Variants in BTBD7 observed in about 807,000 individuals in gnomAD.
BTBD7 encodes BTB domain containing 7, also known as BTB/POZ domain-containing protein 7.
In BTBD7, 38 loss-of-function variants were observed where a neutral mutation model predicts 99.9. The ratio of observed to expected loss-of-function variants is 0.38; its 90% confidence interval spans 0.29 to 0.50. The LOEUF (loss-of-function observed/expected upper bound fraction) is 0.50. BTBD7 is among the 20% of genes least tolerant of loss of function. BTBD7 has a pLI of 0.93. For missense variants in BTBD7, 1,170 were observed against 1,394.6 expected, an observed-to-expected ratio of 0.84 and a Z score of 2.57; for synonymous variants, 520 against 511.4, an observed-to-expected ratio of 1.02 and a Z score of -0.23.
At chr14:93,297,544 A>T (rs2052944321) in intron 1 of BTBD7, among the ~76,000 whole-genome samples, 1 of 152,186 alleles carries the variant, frequency 6.6e-6, no homozygotes, top group Non-Finnish European at 1.5e-5. Context: ...GCTGGTCTTG[A>T]ACTCCTGGCC....
intron 2 of BTBD7, among the ~76,000 whole-genome samples, chr14:93,295,710 C>CA (rs1364179912): frequency 3.9e-5 from 6 of 152,074 alleles, no homozygotes; most frequent in African/African-American, 1.4e-4. Context: ...GTTTTAACAC[C>CA]AATGGAGACT....
chr14:93,244,844 A>G (rs1168932423), intron 10 of BTBD7, among the ~76,000 whole-genome samples: 1 of 148,340 alleles, frequency 6.7e-6, no homozygotes, highest in Non-Finnish European at 1.5e-5. Context: ...AGACTTACAA[A>G]TCTTACAAAT....
In BTBD7 at chr14:93,242,576, T is replaced by C. The variant is rs1299756766; in HGVS notation, c.3096A>G (p.Gln1032=). 1.1e-5 allele frequency: 18 copies of C among 1,614,054 alleles called. No homozygotes were observed. In the South Asian group the frequency reaches 1.5e-4, roughly 14 times the overall value. ...AAGGAAAGTCTGACCGCTGGGGAGG[T>C]TGCTCAACGACATCCAGGTGTATCG... ...NEPIHLDVVE[Q]PPQRSDFPLA... The change falls in exon 11 of 11, where the codon CAA becomes CAG. Residue 1032 remains glutamine, a synonymous_variant. Transcript: ENST00000334746.
At chr14:93,273,299 G>C (rs1359562989) in intron 3 of BTBD7, among the ~76,000 whole-genome samples, 2 of 152,168 alleles carry the variant, frequency 1.3e-5, no homozygotes, top group African/African-American at 2.4e-5. Flanking sequence ...ATACTGGCTG[G>C]ATTAACAACT....
At chr14:93,318,144 A>G (rs1366164826) in intron 1 of BTBD7, among the ~76,000 whole-genome samples, 1 of 152,238 alleles carries the variant, frequency 6.6e-6, no homozygotes, top group African/African-American at 2.4e-5. Context: ...GATTCAAAAT[A>G]CAGGCACAAA....
intron 1 of BTBD7, among the ~76,000 whole-genome samples, chr14:93,331,304 AGG>A (rs931983885): frequency 9.2e-5 from 14 of 152,274 alleles, no homozygotes; most frequent in Admixed American, 7.8e-4. Context: ...TGGGGTGTAG[AGG>A]CCTACATCTT....
chr14:93,332,880 C>T lies in BTBD7; in HGVS notation c.-167G>A. On this transcript the variant is annotated 5_prime_UTR_variant, in exon 1 of 11. Transcript: ENST00000334746. ...GGACCGCTGCCGTCGCCTCCGCCGC[C>T]GCCGCCACCAGCACCGCCGTCCGCA... The T allele has an allele frequency of 6.8e-7, 1 of 1,460,060 alleles. No individual in the cohort carries two copies. The highest frequency in any genetic ancestry group is 9.0e-7 in the Non-Finnish European group (1 of 1,106,416). The allele number at this position is 1,460,060 out of a possible 1,614,324, so 90.4% of individuals were successfully genotyped here.
At chr14:93,305,352 C>T (rs964987178) in intron 1 of BTBD7, among the ~76,000 whole-genome samples, 2 of 152,084 alleles carry the variant, frequency 1.3e-5, no homozygotes, top group Non-Finnish European at 2.9e-5. Flanking sequence ...GAAGTCTACA[C>T]TTAGAGTCTT....
intron 3 of BTBD7, among the ~76,000 whole-genome samples, chr14:93,279,976 T>A (rs993501056): frequency 1.3e-5 from 2 of 152,240 alleles, no homozygotes; most frequent in African/African-American, 2.4e-5. Context: ...CTCAGGTTTA[T>A]AGACCTAATG....
intron 1 of BTBD7, among the ~76,000 whole-genome samples, chr14:93,316,472 C>G: frequency 6.6e-6 from 1 of 152,096 alleles, no homozygotes; most frequent in Non-Finnish European, 1.5e-5. Context: ...TGGTCTTGAA[C>G]TCTTGGCCTC....
chr14:93,275,954 C>T (rs1395276854), intron 3 of BTBD7, among the ~76,000 whole-genome samples: 2 of 152,216 alleles, frequency 1.3e-5, no homozygotes, highest in African/African-American at 2.4e-5. Context: ...TGGCTCACGC[C>T]TGTAGTCCCA....
At chr14:93,300,540 G>C (rs912668479) in intron 1 of BTBD7, among the ~76,000 whole-genome samples, 1 of 150,726 alleles carries the variant, frequency 6.6e-6, no homozygotes, top group African/African-American at 2.4e-5. Flanking sequence ...ACAGGCATGA[G>C]CCACTGGGTG....
chr14:93,270,216 C>G (rs903942984), intron 3 of BTBD7, among the ~76,000 whole-genome samples: 1 of 152,136 alleles, frequency 6.6e-6, no homozygotes, highest in Non-Finnish European at 1.5e-5. Flanking sequence ...CTGCCTCAGC[C>G]TCCTGAGTAG....
chr14:93,304,374 C>T (rs545485212), intron 1 of BTBD7, among the ~76,000 whole-genome samples: 8 of 152,288 alleles, frequency 5.3e-5, no homozygotes, highest in African/African-American at 9.6e-5. Context: ...ATTTTTGAGA[C>T]GGAGTCTCGT....
chr14:93,250,170 C>G lies in BTBD7; in HGVS notation c.1942+1293G>C, dbSNP rs556667301. ...TCCATCCTTTCATGAATGTGGTGTG[C>G]AAGGAAGTGAGAAGAACCCAGGATG... is the stretch of plus-strand genomic sequence containing the variant. On this transcript the variant is annotated intron_variant, in intron 8 of 10. Transcript: ENST00000334746. 2.0e-5 allele frequency among the ~76,000 whole-genome samples: 3 copies of G among 152,228 alleles called. No homozygotes were observed. In the East Asian group the frequency reaches 5.8e-4, roughly 29 times the overall value.
At chr14:93,314,309 A>G (rs2053174506) in intron 1 of BTBD7, among the ~76,000 whole-genome samples, 1 of 152,188 alleles carries the variant, frequency 6.6e-6, no homozygotes, top group Non-Finnish European at 1.5e-5. Flanking sequence ...TATTAGAAAA[A>G]AATATTAAAT....
chr14:93,252,917 A>C (rs2052385211), intron 7 of BTBD7, among the ~76,000 whole-genome samples: 1 of 151,862 alleles, frequency 6.6e-6, no homozygotes, highest in Non-Finnish European at 1.5e-5. Flanking sequence ...TTTGCCTCCC[A>C]GGCTCAGGTG....
intron 3 of BTBD7, among the ~76,000 whole-genome samples, chr14:93,278,275 G>A (rs912642181): frequency 4.6e-5 from 7 of 152,224 alleles, no homozygotes; most frequent in East Asian, 1.9e-4. Context: ...TTAGCCAGGC[G>A]TGGTGGCAGA....
chr14:93,246,356 G>T, intron 9 of BTBD7, 70 bp from the exon 10 acceptor site: 1 of 1,420,350 alleles, frequency 7.0e-7, no homozygotes, highest in Non-Finnish European at 9.3e-7. Flanking sequence ...TTTATAGGCT[G>T]AGAGAATTAA....
Sources: allele counts gnomAD v4.1 joint callset (sites outside exome capture counted in the v4.1 genomes callset), GRCh38; gene constraint gnomAD v4.1.1; transcripts MANE v1.5; gene names NCBI Gene and HGNC (gene_info 2026-07-23, HGNC 2026-07-21).